Variants in MROH2B observed in about 807,000 individuals in gnomAD.
MROH2B encodes the protein maestro heat like repeat family member 2B.
MROH2B carries 177 observed loss-of-function variants against 208.6 expected under a neutral mutation model. The ratio of observed to expected loss-of-function variants is 0.85; its 90% confidence interval spans 0.75 to 0.96. The LOEUF (loss-of-function observed/expected upper bound fraction) is 0.96. Among genes scored for constraint, MROH2B ranks in the 40% least tolerant of loss-of-function variants. MROH2B has a pLI of 0.00. For missense variants in MROH2B, 2,002 were observed against 1,878.7 expected (o/e 1.07, Z -1.21); for synonymous variants, 728 against 659.0 (o/e 1.10, Z -1.60).
chr5:41,025,822 A>G (rs984398596), intron 24 of MROH2B, among the ~76,000 whole-genome samples: 1 of 152,208 alleles, frequency 6.6e-6, no homozygotes, highest in Admixed American at 6.5e-5. Flanking sequence ...GCAGCACATC[A>G]AAAAGCTTAT....
intron 39 of MROH2B, 45 bp from the exon 40 acceptor site, chr5:40,999,824 C>CT: frequency 6.4e-7 from 1 of 1,572,634 alleles, no homozygotes; most frequent in Non-Finnish European, 8.7e-7. Flanking sequence ...GAAAGTGAAC[C>CT]TTTGTGACAT....
intron 6 of MROH2B, among the ~76,000 whole-genome samples, chr5:41,059,797 C>A (rs1265426769): frequency 6.6e-6 from 1 of 152,156 alleles, no homozygotes; most frequent in Non-Finnish European, 1.5e-5. Context: ...AATATTGATG[C>A]CCTCCAGAAC....
chr5:40,998,217 G>T (rs1741271708), intron 41 of MROH2B, 59 bp from the exon 42 acceptor site: 2 of 1,435,486 alleles, frequency 1.4e-6, no homozygotes, highest in Non-Finnish European at 1.9e-6. Context: ...AGCAAGAAGG[G>T]CAAACCAAGC....
intron 21 of MROH2B, chr5:41,034,176 G>A: frequency 3.4e-6 from 2 of 579,770 alleles, no homozygotes; most frequent in Non-Finnish European, 4.4e-6. Context: ...ACTTTGGTAA[G>A]GAAAAAGGGT....
intron 29 of MROH2B, among the ~76,000 whole-genome samples, chr5:41,013,799 G>A (rs1167488118): frequency 1.3e-5 from 2 of 152,098 alleles, no homozygotes; most frequent in South Asian, 4.2e-4. Context: ...ACCTTTTAAG[G>A]CATTTGACAT....
At position 41,034,056 on chromosome 5, in the gene MROH2B, T is replaced by C. The variant is rs544144510; in HGVS notation, c.2215-192A>G. 3.5e-4 allele frequency: 346 copies of C among 984,866 alleles called. 4 individuals are homozygous for C. In the African/African-American group the frequency reaches 5.7e-3, roughly 16 times the overall value. 61.0% of individuals were successfully genotyped at this position (984,866 alleles called of 1,614,324 possible). A position where few individuals can be genotyped will look rare whatever the true frequency, so the allele number is the denominator to read the frequency against. On this transcript the variant is annotated intron_variant, in intron 21 of 41. Transcript: ENST00000399564. ...CATTTTTAAAGTGAGACCTTGTACA[T>C]TTGCAGAGTCTTTCCCCCAGGTAAG...
intron 6 of MROH2B, among the ~76,000 whole-genome samples, chr5:41,059,183 T>C (rs930546818): frequency 6.6e-6 from 1 of 152,104 alleles, no homozygotes; most frequent in African/African-American, 2.4e-5. Flanking sequence ...ATTTGCTATC[T>C]CTACCTCTCA....
intron 4 of MROH2B, among the ~76,000 whole-genome samples, 159 bp downstream of exon 4, chr5:41,065,172 C>G (rs1743763026): frequency 6.6e-6 from 1 of 152,176 alleles, no homozygotes; most frequent in African/African-American, 2.4e-5. Flanking sequence ...CAGAATCATC[C>G]ATGCTCATTT....
chr5:41,026,540 CA>C (rs780873298), intron 24 of MROH2B, among the ~76,000 whole-genome samples: 1 of 152,064 alleles, frequency 6.6e-6, no homozygotes, highest in Non-Finnish European at 1.5e-5. Flanking sequence ...TAAAAGAGGA[CA>C]CAAACAAATG....
At chr5:41,059,238 G>T (rs1216211955) in intron 6 of MROH2B, among the ~76,000 whole-genome samples, 1 of 151,948 alleles carries the variant, frequency 6.6e-6, no homozygotes, top group African/African-American at 2.4e-5. Context: ...CTGCCATTCA[G>T]TGTGGAAAAT....
intron 34 of MROH2B, 114 bp downstream of exon 34, chr5:41,007,200 A>T: frequency 9.8e-7 from 1 of 1,022,650 alleles, no homozygotes; most frequent in Non-Finnish European, 1.3e-6. Context: ...TCCTTCGACT[A>T]TTAGTCCTAA....
intron 20 of MROH2B, among the ~76,000 whole-genome samples, chr5:41,039,129 A>C (rs778755260): frequency 5.3e-5 from 8 of 152,132 alleles, no homozygotes; most frequent in Non-Finnish European, 1.2e-4. Context: ...ATATATACTT[A>C]TCAGGCCCCT....
intron 24 of MROH2B, among the ~76,000 whole-genome samples, chr5:41,024,884 C>G (rs1308093415): frequency 6.6e-6 from 1 of 152,208 alleles, no homozygotes; most frequent in African/African-American, 2.4e-5. Context: ...AAGAAACTCA[C>G]TCAAAACTGC....
intron 28 of MROH2B, among the ~76,000 whole-genome samples, chr5:41,017,380 A>G (rs1741989633): frequency 6.6e-6 from 1 of 152,244 alleles, no homozygotes; most frequent in African/African-American, 2.4e-5. Flanking sequence ...GGCACTTAGT[A>G]CCACGATAAT....
rs1462112048 is a variant in MROH2B, at chr5:41,007,445, A to C, written c.3618T>G (p.Thr1206=). ...QQIPDPCRLS[T]ATLKCLQAQA... ...GGGCTTGCAAACATTTTAAAGTAGC[A>C]GTTGAAAGCCTAAAGGAGACAGTCA... The change falls in exon 34 of 42, where the codon ACT becomes ACG. Residue 1206 remains threonine, a synonymous_variant. Transcript: ENST00000399564. The C allele has an allele frequency of 6.3e-7, 1 of 1,575,038 alleles. No homozygotes were observed. Among genetic ancestry groups the C allele is most frequent in the Non-Finnish European group, 8.6e-7 (1 of 1,162,166 alleles).
rs1326267740 is a variant in MROH2B at position 40,998,215 on chromosome 5, G to A, written c.4652-57C>T. The A allele has an allele frequency of 4.8e-6, 7 of 1,463,668 alleles. No homozygotes were observed. The East Asian group carries it at 1.1e-4, about 24-fold the overall frequency. 90.7% of individuals were successfully genotyped at this position (1,463,668 alleles called of 1,614,324 possible). A position where few individuals can be genotyped will look rare whatever the true frequency, so the allele number is the denominator to read the frequency against. Reference sequence around the variant, plus strand: ...GAGGAGAGTCAGAGCCCAGCAAGAAGGGCAAACCAAGCCAAGGCCCAACTT... The same window carrying A: ...GAGGAGAGTCAGAGCCCAGCAAGAAAGGCAAACCAAGCCAAGGCCCAACTT... On this transcript the variant is annotated intron_variant, in intron 41 of 41. Coordinates refer to ENST00000399564, the MANE Select transcript of MROH2B (RefSeq NM_173489.5).
Position 41,061,744 on chromosome 5 carries a change from C to T in MROH2B, c.461-20G>A. 1 of 1,606,944 alleles carries T rather than the reference C, an allele frequency of 6.2e-7. No homozygotes were observed. The highest frequency in any genetic ancestry group is 8.5e-7 in the Non-Finnish European group (1 of 1,176,584). ...CAAGGGCTGCATTTAAAACACACAA[C>T]CACAGACTGAGAAAAATATAAGGAT... On this transcript the variant is annotated intron_variant, in intron 5 of 41. Transcript: ENST00000399564.
chr5:41,032,323 GA>G (rs1742598075), intron 24 of MROH2B, among the ~76,000 whole-genome samples: 1 of 152,048 alleles, frequency 6.6e-6, no homozygotes, highest in Admixed American at 6.6e-5. Flanking sequence ...ACTGCAGGGT[GA>G]AAATATTATT....
chr5:41,009,934 A>G lies in MROH2B; in HGVS notation c.3281T>C (p.Leu1094Pro), dbSNP rs767491435. The change falls in exon 31 of 42, where the codon CTG becomes CCG. Residue 1094 changes from leucine (L) to proline (P), a missense_variant. Coordinates refer to ENST00000399564, the MANE Select transcript of MROH2B (RefSeq NM_173489.5). Reference sequence around the variant, plus strand: ...AATAAGGATCTACCTGTCAAAAGGCAGAGGCTTCTGTAAAAGGTTGACAAC... The same window carrying G: ...AATAAGGATCTACCTGTCAAAAGGCGGAGGCTTCTGTAAAAGGTTGACAAC... Reference protein sequence around the residue: ...TVVVNLLQKPLPFDRDTKTLW... With the variant: ...TVVVNLLQKPPPFDRDTKTLW... 1 of 1,613,676 alleles carries G rather than the reference A, an allele frequency of 6.2e-7. No homozygotes were observed. The highest frequency in any genetic ancestry group is 1.7e-5 in the Admixed American group (1 of 59,988).
Sources: gnomAD v4.1 joint callset for allele counts (sites outside exome capture counted in the v4.1 genomes callset) on GRCh38, gnomAD v4.1.1 for gene constraint, MANE v1.5 for transcripts, NCBI Gene and HGNC (gene_info 2026-07-23, HGNC 2026-07-21) for gene names.